Variants in SUCLG2 observed in about 807,000 individuals in gnomAD.
SUCLG2 encodes the protein succinate--CoA ligase [GDP-forming] subunit beta, mitochondrial.
SUCLG2 carries 42 observed loss-of-function variants against 47.9 expected under a neutral mutation model. That is an observed-to-expected ratio of 0.88 (90% CI 0.69 to 1.14). The LOEUF is 1.14. Among genes scored for constraint, SUCLG2 ranks in the 50% most tolerant of loss-of-function variants. The pLI is 0.00. For synonymous variants in SUCLG2, 195 were observed against 197.3 expected, an observed-to-expected ratio of 0.99 and a Z score of 0.10; for missense variants, 571 against 525.9, an observed-to-expected ratio of 1.09 and a Z score of -0.84.
intron 1 of SUCLG2, among the ~76,000 whole-genome samples, chr3:67,612,586 G>A (rs1401626796): frequency 2.0e-5 from 3 of 152,160 alleles, no homozygotes; most frequent in Non-Finnish European, 4.4e-5. Context: ...ATGTTTCATG[G>A]TTAAAACAAT....
intron 7 of SUCLG2, among the ~76,000 whole-genome samples, chr3:67,506,614 T>G (rs1248311252): frequency 6.6e-6 from 1 of 152,208 alleles, no homozygotes; most frequent in Non-Finnish European, 1.5e-5. Flanking sequence ...AGCTCGTGAC[T>G]GCTTCCCAAA....
chr3:67,564,911 T>A (rs1707410943), intron 2 of SUCLG2, among the ~76,000 whole-genome samples: 1 of 152,130 alleles, frequency 6.6e-6, no homozygotes, highest in Non-Finnish European at 1.5e-5. Context: ...CTTAGAACAA[T>A]ATTTTTCCTT....
chr3:67,401,218 C>T lies in SUCLG2; in HGVS notation c.1063-367G>A, dbSNP rs532277300. On this transcript the variant is annotated intron_variant, in intron 9 of 10. Transcript: ENST00000307227. The stretch of plus-strand genomic sequence containing the variant: ...CTTGCATTTAGGTTTTTTTCCTCCA[C>T]GATTTACAATTGCCTTTTTATATGT... 1.0e-3 allele frequency among the ~76,000 whole-genome samples: 156 copies of T among 152,036 alleles called. 3 individuals carry two copies. In the South Asian group the frequency reaches 0.027, roughly 26 times the overall value.
rs1008265440 is a variant in SUCLG2 at position 67,426,753 on chromosome 3, C to A, written c.1063-25902G>T. Among the ~76,000 whole-genome samples, 3 of 152,074 alleles carry A rather than the reference C, an allele frequency of 2.0e-5. 1 individual carries two copies. Among genetic ancestry groups the A allele is most frequent in the Admixed American group, 2.0e-4 (3 of 15,260 alleles). ...GACCATCCTGGCCAACATGGTGAAA[C>A]CCCATCTCTACAAAAATACAAAAAA... On this transcript the variant is annotated intron_variant, in intron 9 of 10. Coordinates refer to ENST00000307227, the MANE Select transcript of SUCLG2 (RefSeq NM_003848.4).
chr3:67,494,185 A>G (rs1705272957), intron 9 of SUCLG2, among the ~76,000 whole-genome samples: 1 of 152,220 alleles, frequency 6.6e-6, no homozygotes, highest in South Asian at 2.1e-4. Flanking sequence ...GGAAGCTTCC[A>G]TATTTAGTTC....
At chr3:67,601,136 A>G (rs1020157477) in intron 2 of SUCLG2, among the ~76,000 whole-genome samples, 5 of 152,232 alleles carry the variant, frequency 3.3e-5, no homozygotes, top group African/African-American at 9.6e-5. Flanking sequence ...AACAAAAATT[A>G]TAAACAAAAC....
intron 1 of SUCLG2, among the ~76,000 whole-genome samples, chr3:67,621,757 G>A (rs185486351): frequency 1.4e-3 from 213 of 152,226 alleles, no homozygotes; most frequent in South Asian, 5.0e-3. Context: ...TCAGCAAGAA[G>A]GCCCTCACCA....
intron 9 of SUCLG2, among the ~76,000 whole-genome samples, chr3:67,429,337 T>C (rs1194086537): frequency 1.3e-5 from 2 of 152,180 alleles, no homozygotes; most frequent in Non-Finnish European, 2.9e-5. Flanking sequence ...CAGAATTTCA[T>C]ATCCAGCCAA....
In SUCLG2 at chr3:67,586,529, C is replaced by A. The variant is rs578134210; in HGVS notation, c.226+22926G>T. ...AGTCCTTAGGCAGTCAATTAATCTA[C>A]CCTTCCCAATTGGTCTGATGTTCAT... On this transcript the variant is annotated intron_variant, in intron 2 of 10. Transcript: ENST00000307227. 2.0e-5 allele frequency among the ~76,000 whole-genome samples: 3 copies of A among 152,210 alleles called. No individual in the cohort carries two copies. In the East Asian group the frequency reaches 5.8e-4, roughly 29 times the overall value.
chr3:67,488,882 G>A (rs1475898720), intron 9 of SUCLG2, among the ~76,000 whole-genome samples: 1 of 152,052 alleles, frequency 6.6e-6, no homozygotes, highest in Non-Finnish European at 1.5e-5. Flanking sequence ...AATCAATTCC[G>A]GAGCTTGCTG....
chr3:67,524,248 T>A lies in SUCLG2; in HGVS notation c.418-3614A>T, dbSNP rs866043915. On this transcript the variant is annotated intron_variant, in intron 4 of 10. Transcript: ENST00000307227. ...ACCTGTGAGTTACACAAAGAATATG[T>A]TGACACATCGTCTTTGTGGAGTCCA... Among the ~76,000 whole-genome samples, 8 of 152,340 alleles carry A rather than the reference T, an allele frequency of 5.3e-5. No homozygotes were observed. The South Asian group carries it at 1.7e-3, about 32-fold the overall frequency.
intron 2 of SUCLG2, among the ~76,000 whole-genome samples, chr3:67,585,689 G>A (rs917077698): frequency 1.3e-5 from 2 of 152,132 alleles, no homozygotes; most frequent in Non-Finnish European, 2.9e-5. Context: ...TAGGCTGGGC[G>A]CAGTGGCTCA....
intron 2 of SUCLG2, among the ~76,000 whole-genome samples, chr3:67,568,705 G>A (rs543052481): frequency 3.9e-5 from 6 of 152,212 alleles, no homozygotes; most frequent in African/African-American, 1.4e-4. Flanking sequence ...GGCTAACACG[G>A]TGAAGCCCCA....
At chr3:67,382,370 C>A (rs1206872931) in intron 10 of SUCLG2, among the ~76,000 whole-genome samples, 1 of 152,178 alleles carries the variant, frequency 6.6e-6, no homozygotes, top group Non-Finnish European at 1.5e-5. Flanking sequence ...CACATAACCA[C>A]GCAGCTGGCC....
chr3:67,380,732 AGACAAGAGACAGAGTCATG>A (rs1162845201), intron 10 of SUCLG2, among the ~76,000 whole-genome samples: 1 of 152,026 alleles, frequency 6.6e-6, no homozygotes, highest in Admixed American at 6.6e-5. Flanking sequence ...ATGAAGAGAG[AGACAAGAGACAGAGTCATG>A]GGGAATAGCT....
chr3:67,462,858 G>A (rs1704372709), intron 9 of SUCLG2, among the ~76,000 whole-genome samples: 1 of 152,190 alleles, frequency 6.6e-6, no homozygotes, highest in African/African-American at 2.4e-5. Context: ...TTATCTCCAG[G>A]TGGAGTGTCA....
chr3:67,376,948 T>C (rs1291567512), intron 10 of SUCLG2, among the ~76,000 whole-genome samples: 1 of 152,254 alleles, frequency 6.6e-6, no homozygotes, highest in African/African-American at 2.4e-5. Flanking sequence ...GTACTTGTTA[T>C]GTAGTTTTGG....
chr3:67,369,880 T>C (rs894965507), downstream of SUCLG2, among the ~76,000 whole-genome samples: 3 of 152,198 alleles, frequency 2.0e-5, no homozygotes, highest in Non-Finnish European at 4.4e-5. Context: ...TTTTTGAGGC[T>C]GTTAATCTGT....
At chr3:67,394,803 A>G (rs1358118451) in intron 10 of SUCLG2, among the ~76,000 whole-genome samples, 2 of 151,954 alleles carry the variant, frequency 1.3e-5, no homozygotes, top group African/African-American at 4.8e-5. Context: ...AGGGAAGCCC[A>G]TCAGACTAAC....
Sources: gnomAD v4.1 joint callset for allele counts (sites outside exome capture counted in the v4.1 genomes callset) on GRCh38, gnomAD v4.1.1 for gene constraint, MANE v1.5 for transcripts, NCBI Gene and HGNC (gene_info 2026-07-23, HGNC 2026-07-21) for gene names.